CHD4: variants seen among roughly 807,000 people sequenced by gnomAD.
The protein encoded by CHD4 is ATP-dependent chromatin remodeler CHD4.
Under a neutral mutation model 235.5 loss-of-function variants are expected in CHD4, and 35 were observed. The ratio of observed to expected loss-of-function variants is 0.15; its 90% confidence interval spans 0.11 to 0.20. CHD4 has a LOEUF of 0.20. Among genes scored for constraint, CHD4 ranks in the 10% least tolerant of loss-of-function variants. CHD4 has a pLI of 1.00. For synonymous variants in CHD4, 900 were observed against 850.2 expected, an observed-to-expected ratio of 1.06 and a Z score of -1.02; for missense variants, 1,329 against 2,432.3, an observed-to-expected ratio of 0.55 and a Z score of 9.54.
In CHD4 at chr12:6,602,215, A is replaced by G. The variant is rs774682821; in HGVS notation, c.223-40T>C. 2.2e-5 allele frequency: 35 copies of G among 1,606,696 alleles called. 1 individual carries two copies. Among genetic ancestry groups the G allele is most frequent in the South Asian group, 1.7e-4 (15 of 90,876 alleles). On this transcript the variant is annotated intron_variant, in intron 3 of 39. Coordinates refer to ENST00000544040, the MANE Select transcript of CHD4 (RefSeq NM_001273.5). ...GGGGGGAAGAGGGAGACAGACACAC[A>G]CATGCTACACACATGCTGACCTCAG... is the stretch of plus-strand genomic sequence containing the variant.
At position 6,597,860 on chromosome 12, in the gene CHD4, G is replaced by T. The variant is rs201703851; in HGVS notation, c.1892+34C>A. The T allele has an allele frequency of 8.1e-6, 13 of 1,595,512 alleles. No individual in the cohort carries two copies. The East Asian group carries it at 2.7e-4, about 33-fold the overall frequency. ...ATCTCTTTAGCAGGACTCTCCCACG[G>T]AGACTGCCCGTCTCCCGTGTGCTCA... On this transcript the variant is annotated intron_variant, in intron 12 of 39. Coordinates refer to ENST00000544040, the MANE Select transcript of CHD4 (RefSeq NM_001273.5).
chr12:6,582,049 C>T (rs189395650), intron 30 of CHD4, 88 bp downstream of exon 30: 149 of 1,382,676 alleles, frequency 1.1e-4, no homozygotes, highest in Non-Finnish European at 1.3e-4. Context: ...GTGATCCACC[C>T]GCCTCAGCCT....
At chr12:6,596,778 C>T (rs7305490) in intron 12 of CHD4, among the ~76,000 whole-genome samples, 2,737 of 147,444 alleles carry the variant, frequency 0.019, 100 homozygotes, top group African/African-American at 0.064. Context: ...CCAGCCTGGG[C>T]GACAGAACGA....
At chr12:6,576,875 C>T (rs1047388964) in intron 37 of CHD4, among the ~76,000 whole-genome samples, 3 of 152,228 alleles carry the variant, frequency 2.0e-5, no homozygotes, top group African/African-American at 7.2e-5. Context: ...GTACATAATA[C>T]CTGAAGGCTT....
chr12:6,606,207 CAG>C (rs1948694391), intron 2 of CHD4, 65 bp downstream of exon 2: 1 of 1,094,944 alleles, frequency 9.1e-7, no homozygotes, highest in Admixed American at 2.1e-5. Flanking sequence ...CCTGCCTCAC[CAG>C]AGGAGTCACT....
Position 6,602,606 on chromosome 12 carries a change from C to T in CHD4, c.101-109G>A, listed in dbSNP as rs566856492. On this transcript the variant is annotated intron_variant, in intron 2 of 39. Transcript: ENST00000544040. The stretch of plus-strand genomic sequence containing the variant: ...ATTCCCCACCTCTTGTCCCAGATTC[C>T]TCTGAAGAGAACTGCTATACTCTGT... 2.2e-5 allele frequency: 30 copies of T among 1,382,628 alleles called. 1 individual carries two copies. The Middle Eastern group carries it at 5.7e-4, about 26-fold the overall frequency. The allele number at this position is 1,382,628 out of a possible 1,614,324, so 85.6% of individuals were successfully genotyped here. A position where few individuals can be genotyped will look rare whatever the true frequency, so the allele number is the denominator to read the frequency against.
Position 6,606,341 on chromosome 12 carries a change from G to C in CHD4, c.33C>G (p.Cys11Trp), listed in dbSNP as rs755349043. The C allele has an allele frequency of 5.1e-6, 8 of 1,571,644 alleles. No individual in the cohort carries two copies. In the African/African-American group the frequency reaches 8.4e-5, roughly 17 times the overall value. The part of the protein sequence containing the change: MASGLGSPSP[C>W]SAGSEEEDMD... ...TATCCTCCTCCTCACTGCCCGCCGA[G>C]CAGGGGGACGGGGAGCCCAGGCCCG... Residue 11 changes from cysteine to tryptophan, a missense_variant, in exon 2 of 40, where the codon TGC becomes TGG. Around this residue, in one of 26 missense-constraint regions of CHD4, gnomAD observed 213 missense variants for 177.5 expected, o/e 1.20. Transcript: ENST00000544040.
rs903628448 is a variant in CHD4 at position 6,593,763 on chromosome 12, G to C, written c.2314-147C>G. The C allele has an allele frequency of 1.5e-6, 1 of 686,146 alleles. No individual in the cohort carries two copies. The highest frequency in any genetic ancestry group is 2.4e-6 in the Non-Finnish European group (1 of 408,418). The allele number at this position is 686,146 out of a possible 1,614,324, so 42.5% of individuals were successfully genotyped here. ...CCTGCTCTCACCTTCCTCTATACAA[G>C]TGCCCAGCCCACTCCTTTCCAAAAA... On this transcript the variant is annotated intron_variant, in intron 15 of 39. Coordinates refer to ENST00000544040, the MANE Select transcript of CHD4 (RefSeq NM_001273.5). This position sits in a 1 kb window ranked among gnomAD's most constrained non-coding sequence, Gnocchi z 4.9.
At chr12:6,575,118 C>T (rs1372396240) in intron 37 of CHD4, among the ~76,000 whole-genome samples, 1 of 151,760 alleles carries the variant, frequency 6.6e-6, no homozygotes, top group Non-Finnish European at 1.5e-5. Flanking sequence ...GCAACAGAGA[C>T]TACATGTCCC....
intron 25 of CHD4, 164 bp from the exon 26 acceptor site, chr12:6,583,542 G>A: frequency 1.7e-6 from 1 of 596,222 alleles, no homozygotes; most frequent in South Asian, 2.3e-5. Context: ...TTGATTGAGA[G>A]TACACAGCTC....
Position 6,600,654 on chromosome 12 carries a change from A to C in CHD4, c.943T>G (p.Leu315Val). ...TCATCGAAGTCAGATTCCACATCTA[A>C]GTCATCATCCTCACTCTGGCAGGAT... ...RKRSSSEDDD[L>V]DVESDFDDAS... is the part of the protein sequence containing the mutation. The change falls in exon 8 of 40, where the codon TTA becomes GTA. Residue 315 changes from leucine to valine, a missense_variant. Physicochemically the swap from Leu to Val is conservative, Grantham distance 32. This residue lies in a region of CHD4 where 160 missense variants were observed against 196.6 expected (regional missense o/e 0.81). Transcript: ENST00000544040. 6.2e-7 allele frequency: 1 copy of C among 1,614,146 alleles called. No individual in the cohort carries two copies. The highest frequency in any genetic ancestry group is 8.5e-7 in the Non-Finnish European group (1 of 1,180,028).
At chr12:6,582,385 A>C (rs1257431410) in intron 29 of CHD4, 104 bp from the exon 30 acceptor site, 1 of 1,404,332 alleles carries the variant, frequency 7.1e-7, no homozygotes, top group Non-Finnish European at 9.6e-7. Flanking sequence ...CTATGGCTCC[A>C]CCTTGAGGTA....
Position 6,595,988 on chromosome 12 carries a change from T to C in CHD4, c.2024+18A>G. 6.3e-7 allele frequency: 1 copy of C among 1,590,872 alleles called. No homozygotes were observed. The stretch of plus-strand genomic sequence containing the variant: ...AAAAAAAAAGAAACAACTCTATGCC[T>C]CACCCAAAATCACTCACCTGTGATT... On this transcript the variant is annotated intron_variant, in intron 13 of 39. Transcript: ENST00000544040.
Position 6,598,175 on chromosome 12 carries a change from A to G in CHD4, c.1686+47T>C, listed in dbSNP as rs1345664050. ...CTATCCACAAGGCTCTTTTGTCACT[A>G]TCCTCTTCATCGTAGCCCCTACATC... On this transcript the variant is annotated intron_variant, in intron 11 of 39. Coordinates refer to ENST00000544040, the MANE Select transcript of CHD4 (RefSeq NM_001273.5). 5 of 1,609,290 alleles carry G rather than the reference A, an allele frequency of 3.1e-6. No homozygotes were observed. The East Asian group carries it at 6.7e-5, about 22-fold the overall frequency.
At position 6,602,109 on chromosome 12, in the gene CHD4, C is replaced by T. The variant is rs759155947; in HGVS notation, c.289G>A (p.Glu97Lys). 6.2e-7 allele frequency: 1 copy of T among 1,613,804 alleles called. No individual in the cohort carries two copies. Among genetic ancestry groups the T allele is most frequent in the South Asian group, 1.1e-5 (1 of 91,078 alleles). The change falls in exon 4 of 40, where the codon GAA becomes AAA. Residue 97 changes from glutamate (E) to lysine (K), a missense_variant. Physicochemically the swap from Glu to Lys is moderately conservative, Grantham distance 56. Around this residue, in one of 26 missense-constraint regions of CHD4, gnomAD observed 213 missense variants for 177.5 expected, o/e 1.20. Transcript: ENST00000544040. ...GEGPEFVEEE[E>K]EVALRSDSEG... ...CTGTCTGAGCGCAGAGCCACCTCTTCCTCCTCCTCCACAAACTCTGGCCCC... is the reference window on the plus strand; with the variant it reads ...CTGTCTGAGCGCAGAGCCACCTCTTTCTCCTCCTCCACAAACTCTGGCCCC...
rs566196712 is a variant in CHD4 at position 6,587,634 on chromosome 12, C to A, written c.3704-75G>T. 1.9e-6 allele frequency: 3 copies of A among 1,605,536 alleles called. No homozygotes were observed. In the South Asian group the frequency reaches 3.3e-5, roughly 18 times the overall value. ...AGTGGAAAAAGCAAGTCCCACAAGA[C>A]CCTTGGTATCAAAGATTCTCCCTAA... On this transcript the variant is annotated intron_variant, in intron 24 of 39. Coordinates refer to ENST00000544040, the MANE Select transcript of CHD4 (RefSeq NM_001273.5).
chr12:6,597,539 A>G (rs1948520914), intron 12 of CHD4, among the ~76,000 whole-genome samples: 1 of 152,128 alleles, frequency 6.6e-6, no homozygotes, highest in South Asian at 2.1e-4. Flanking sequence ...CAAGGCAGGC[A>G]GATCACCTGA....
At chr12:6,600,473 G>A (rs1948569811) in intron 8 of CHD4, 61 bp downstream of exon 8, 20 of 1,607,796 alleles carry the variant, frequency 1.2e-5, no homozygotes, top group Non-Finnish European at 1.4e-5. Context: ...TCTCCTTAGG[G>A]AGATTCTTCC....
chr12:6,597,769 A>C, intron 12 of CHD4, 125 bp downstream of exon 12: 2 of 883,460 alleles, frequency 2.3e-6, no homozygotes, highest in Non-Finnish European at 3.6e-6. Flanking sequence ...TGTCTCAAAA[A>C]CAAAAAACAA....
Sources: gnomAD v4.1 joint callset for allele counts (sites outside exome capture counted in the v4.1 genomes callset) on GRCh38, gnomAD v4.1.1 for gene constraint, gnomAD v4.1.1 regional missense constraint, Gnocchi (gnomAD v3.1) non-coding constraint, MANE v1.5 for transcripts, NCBI Gene and HGNC (gene_info 2026-07-23, HGNC 2026-07-21) for gene names.